Variants in DAAM1 observed in about 807,000 individuals in gnomAD.
The protein encoded by DAAM1 is dishevelled associated activator of morphogenesis 1.
DAAM1 carries 52 observed loss-of-function variants against 130.0 expected under a neutral mutation model. The ratio of observed to expected loss-of-function variants is 0.40; its 90% CI spans 0.32 to 0.50. The LOEUF (loss-of-function observed/expected upper bound fraction) is 0.50. Ranked by LOEUF, DAAM1 falls within the 20% of genes least tolerant of loss-of-function variation. The pLI, the probability that DAAM1 is intolerant of heterozygous loss-of-function variation, is 0.61. For synonymous variants in DAAM1, 452 were observed against 444.5 expected (o/e 1.02, Z -0.21); for missense variants, 1,134 against 1,303.8 (o/e 0.87, Z 2.01).
intron 1 of DAAM1, among the ~76,000 whole-genome samples, chr14:59,206,233 G>A (rs1888253750): frequency 6.6e-6 from 1 of 152,104 alleles, no homozygotes; most frequent in Non-Finnish European, 1.5e-5. Flanking sequence ...ATGTAAGATT[G>A]TGTAATTCAC....
chr14:59,356,709 T>C (rs1055905292), intron 20 of DAAM1, among the ~76,000 whole-genome samples: 3 of 152,240 alleles, frequency 2.0e-5, no homozygotes, highest in African/African-American at 7.2e-5. Flanking sequence ...TCTTCAACTG[T>C]ACACACACAA....
At chr14:59,352,495 CT>C in intron 17 of DAAM1, 30 bp from the exon 18 acceptor site, 2 of 1,548,498 alleles carry the variant, frequency 1.3e-6, no homozygotes, top group Non-Finnish European at 1.8e-6. Context: ...AGTGATAAAC[CT>C]CAGTTTTAAT....
chr14:59,341,162 A>G (rs1292115542), intron 16 of DAAM1, among the ~76,000 whole-genome samples: 1 of 152,206 alleles, frequency 6.6e-6, no homozygotes, highest in Non-Finnish European at 1.5e-5. Flanking sequence ...TCTTTTAATG[A>G]AGAGAAATTT....
At chr14:59,343,447 C>T (rs1444853098) in intron 16 of DAAM1, among the ~76,000 whole-genome samples, 2 of 152,158 alleles carry the variant, frequency 1.3e-5, no homozygotes, top group Non-Finnish European at 2.9e-5. Context: ...TACCTTCTCA[C>T]ACTTACTATC....
rs1335689723 is a variant in DAAM1 at position 59,348,635 on chromosome 14, A to G, written c.2160+1012A>G. Among the ~76,000 whole-genome samples the G allele has an allele frequency of 5.9e-5, 9 of 152,342 alleles. No homozygotes were observed. The East Asian group carries it at 1.7e-3, about 29-fold the overall frequency. ...CAACTATGATTCTAGACTGAACTCCAGGTTGCATCTGTAGGTGTGCCCTGT... is the reference window on the plus strand; with the variant it reads ...CAACTATGATTCTAGACTGAACTCCGGGTTGCATCTGTAGGTGTGCCCTGT... On this transcript the variant is annotated intron_variant, in intron 17 of 24. Coordinates refer to ENST00000360909, the MANE Select transcript of DAAM1 (RefSeq NM_001270520.2).
At chr14:59,219,554 C>G (rs927843921) in intron 1 of DAAM1, among the ~76,000 whole-genome samples, 1 of 151,998 alleles carries the variant, frequency 6.6e-6, no homozygotes, top group Non-Finnish European at 1.5e-5. Context: ...ATTGGTGGTG[C>G]TTTTTTCTTA....
At chr14:59,268,193 G>T (rs1050514381) in intron 2 of DAAM1, among the ~76,000 whole-genome samples, 1 of 152,084 alleles carries the variant, frequency 6.6e-6, no homozygotes, top group Non-Finnish European at 1.5e-5. Context: ...GAGTCACCGC[G>T]CCCGGCGCCT....
intron 10 of DAAM1, 68 bp downstream of exon 10, chr14:59,326,145 C>G: frequency 2.1e-6 from 3 of 1,442,150 alleles, no homozygotes; most frequent in Non-Finnish European, 2.9e-6. Context: ...GGTTCTGGCT[C>G]CTGCACAGTG....
chr14:59,345,397 G>A (rs760077457), intron 16 of DAAM1, among the ~76,000 whole-genome samples: 2 of 152,146 alleles, frequency 1.3e-5, no homozygotes, highest in Non-Finnish European at 2.9e-5. Context: ...TTATTTGTCA[G>A]CTTAAACAAT....
intron 20 of DAAM1, among the ~76,000 whole-genome samples, chr14:59,357,947 G>T (rs74057115): frequency 6.6e-6 from 1 of 152,206 alleles, no homozygotes; most frequent in African/African-American, 2.4e-5. Context: ...GAAATGCAAG[G>T]GTAAAGAAAA....
At chr14:59,322,768 C>A in intron 5 of DAAM1, 124 bp from the exon 6 acceptor site, 1 of 737,576 alleles carries the variant, frequency 1.4e-6, no homozygotes, top group Non-Finnish European at 2.2e-6. Context: ...AAGACTTCAT[C>A]AATGTAAGCC....
At chr14:59,246,996 T>G (rs1881412100) in intron 1 of DAAM1, among the ~76,000 whole-genome samples, 1 of 152,182 alleles carries the variant, frequency 6.6e-6, no homozygotes, top group Admixed American at 6.5e-5. Context: ...TTTATGTATA[T>G]TTTCTTTCAT....
At chr14:59,225,034 T>TG (rs1566656935) in intron 1 of DAAM1, among the ~76,000 whole-genome samples, 16 of 142,172 alleles carry the variant, frequency 1.1e-4, no homozygotes, top group African/African-American at 4.0e-4. Flanking sequence ...TTTTTTTTTT[T>TG]TTTTTTTTTT....
At chr14:59,295,316 A>C (rs1199294135) in intron 3 of DAAM1, among the ~76,000 whole-genome samples, 5 of 152,210 alleles carry the variant, frequency 3.3e-5, no homozygotes, top group African/African-American at 1.2e-4. Flanking sequence ...TAAATCATTC[A>C]GTAATCTTGC....
chr14:59,278,725 C>T (rs1384316039), intron 2 of DAAM1, among the ~76,000 whole-genome samples: 1 of 152,098 alleles, frequency 6.6e-6, no homozygotes, highest in Non-Finnish European at 1.5e-5. Flanking sequence ...ATGGAATACA[C>T]ACTAATATAA....
chr14:59,264,101 TC>T (rs1882319095), intron 2 of DAAM1: 4 of 202,856 alleles, frequency 2.0e-5, no homozygotes, highest in Non-Finnish European at 4.1e-5. Context: ...AGTCATACTT[TC>T]CATCCTGTCA....
chr14:59,315,952 T>C (rs941107024), intron 4 of DAAM1, among the ~76,000 whole-genome samples: 1 of 152,216 alleles, frequency 6.6e-6, no homozygotes, highest in African/African-American at 2.4e-5. Context: ...ATATGTATTC[T>C]CAATGCCTAA....
At chr14:59,222,975 A>T (rs908074514) in intron 1 of DAAM1, among the ~76,000 whole-genome samples, 2 of 152,222 alleles carry the variant, frequency 1.3e-5, no homozygotes, top group Non-Finnish European at 2.9e-5. Flanking sequence ...TCCTTTGAGG[A>T]TGTCACAGGG....
chr14:59,338,372 G>T, intron 15 of DAAM1: 1 of 1,613,584 alleles, frequency 6.2e-7, no homozygotes, highest in Non-Finnish European at 8.5e-7. Flanking sequence ...CCATGCCTCT[G>T]CCATGGCTGT....
Sources: gnomAD v4.1 joint callset for allele counts (sites outside exome capture counted in the v4.1 genomes callset) on GRCh38, gnomAD v4.1.1 for gene constraint, MANE v1.5 for transcripts, NCBI Gene and HGNC (gene_info 2026-07-23, HGNC 2026-07-21) for gene names.